The following LRRK2 variants were observed in gnomAD, a reference collection of about 807,000 sequenced individuals.
The protein encoded by LRRK2 is leucine rich repeat kinase 2, also known as leucine-rich repeat serine/threonine-protein kinase 2.
LRRK2 carries 203 observed loss-of-function variants against 302.6 expected under a neutral mutation model. The observed-to-expected ratio is 0.67, with a 90% confidence interval of 0.60 to 0.75. LRRK2 has a LOEUF of 0.75. Among genes scored for constraint, LRRK2 ranks in the 30% least tolerant of loss-of-function variants. The pLI is 0.00. For missense variants in LRRK2, 2,830 were observed against 2,951.0 expected, an observed-to-expected ratio of 0.96 and a Z score of 0.95; for synonymous variants, 1,066 against 1,031.9, an observed-to-expected ratio of 1.03 and a Z score of -0.63.
chr12:40,299,504 C>T (rs1944541577), intron 25 of LRRK2, among the ~76,000 whole-genome samples: 1 of 152,092 alleles, frequency 6.6e-6, no homozygotes, highest in South Asian at 2.1e-4. Flanking sequence ...ACATACTATT[C>T]GTTCCCAACT....
chr12:40,356,052 T>A, intron 45 of LRRK2, 63 bp from the exon 46 acceptor site: 1 of 1,086,648 alleles, frequency 9.2e-7, no homozygotes, highest in Admixed American at 1.9e-5. Context: ...GAGGAGAACA[T>A]TAAGGCCATT....
At chr12:40,243,704 C>T (rs746951771) in intron 7 of LRRK2, 23 bp downstream of exon 7, 1 of 1,605,048 alleles carries the variant, frequency 6.2e-7, no homozygotes, top group East Asian at 2.2e-5. Flanking sequence ...GTTAATATGT[C>T]ATCACACACT....
intron 20 of LRRK2, among the ~76,000 whole-genome samples, chr12:40,289,524 A>G (rs1369210704): frequency 1.3e-5 from 2 of 149,010 alleles, no homozygotes; most frequent in African/African-American, 4.9e-5. Context: ...AATGTAATCT[A>G]TAATATATAA....
intron 44 of LRRK2, among the ~76,000 whole-genome samples, chr12:40,352,403 C>G (rs971197463): frequency 1.3e-5 from 2 of 151,304 alleles, no homozygotes; most frequent in African/African-American, 4.9e-5. Flanking sequence ...CAAAGACAAC[C>G]TAGTATTTTG....
chr12:40,339,484 A>C (rs1216608661), intron 40 of LRRK2, among the ~76,000 whole-genome samples: 1 of 152,104 alleles, frequency 6.6e-6, no homozygotes, highest in Non-Finnish European at 1.5e-5. Context: ...GTTTTTTTAT[A>C]TTAACTATCT....
intron 2 of LRRK2, among the ~76,000 whole-genome samples, chr12:40,229,955 CTTTTTTT>C (rs71078229): frequency 2.2e-5 from 2 of 92,926 alleles, no homozygotes; most frequent in African/African-American, 3.8e-5. Context: ...TCCTATGTGA[CTTTTTTT>C]TTTTTTTTTT....
At chr12:40,316,906 A>G (rs1945242682) in intron 33 of LRRK2, among the ~76,000 whole-genome samples, 1 of 152,054 alleles carries the variant, frequency 6.6e-6, no homozygotes, top group African/African-American at 2.4e-5. Flanking sequence ...TCAGGAGGTA[A>G]CTCAACTCCA....
chr12:40,261,498 A>G (rs892372512), intron 13 of LRRK2, among the ~76,000 whole-genome samples: 1 of 152,156 alleles, frequency 6.6e-6, no homozygotes, highest in African/African-American at 2.4e-5. Context: ...AATACATTTT[A>G]TAAGCATATC....
chr12:40,278,442 A>G (rs554472741), intron 18 of LRRK2, among the ~76,000 whole-genome samples, 181 bp downstream of exon 18: 1 of 152,316 alleles, frequency 6.6e-6, no homozygotes, highest in African/African-American at 2.4e-5. Context: ...AGGGTCCTTT[A>G]GGTGTTATCC....
Position 40,278,006 on chromosome 12 carries a change from A to T in LRRK2, c.2060A>T (p.Lys687Met), listed in dbSNP as rs762778184. Residue 687 changes from lysine (K) to methionine (M), a missense_variant, in exon 17 of 51, where the codon AAG becomes ATG. By Grantham distance (95) the Lys-to-Met change is moderately conservative. This residue lies in a region of LRRK2 where 2,121 missense variants were observed against 2,148.0 expected (regional missense o/e 0.99). Transcript: ENST00000298910. ...HQMSSNIMEQ[K>M]DQQFLNLCCK... ...ATGTCTTCCAATATCATGGAACAAA[A>T]GGATCAACAGGTACAGTGTTTTTCA... 6.2e-7 allele frequency: 1 copy of T among 1,613,762 alleles called. No individual in the cohort carries two copies. The highest frequency in any genetic ancestry group is 8.5e-7 in the Non-Finnish European group (1 of 1,179,956).
At chr12:40,263,416 G>C (rs909437319) in intron 13 of LRRK2, among the ~76,000 whole-genome samples, 2 of 151,606 alleles carry the variant, frequency 1.3e-5, no homozygotes, top group African/African-American at 4.8e-5. Flanking sequence ...TTTATGTTGT[G>C]GTCCAAGTAA....
At position 40,283,939 on chromosome 12, in the gene LRRK2, A is replaced by G; in HGVS notation, c.2306A>G (p.Gln769Arg). The change falls in exon 19 of 51, where the codon CAA becomes CGA. Residue 769 changes from glutamine (Q) to arginine (R), a missense_variant. Coordinates refer to ENST00000298910, the MANE Select transcript of LRRK2 (RefSeq NM_198578.4). ...TTACTGAATAGTGGATCTCGTGAAC[A>G]AGATGTACGAAAAGCGTTGACGATA... ...ELLLNSGSREQDVRKALTISI... is the reference protein window; with the variant it reads ...ELLLNSGSRERDVRKALTISI... The G allele has an allele frequency of 1.2e-6, 2 of 1,613,876 alleles. No homozygotes were observed. The highest frequency in any genetic ancestry group is 1.7e-6 in the Non-Finnish European group (2 of 1,179,812).
At chr12:40,361,467 T>G (rs1339727823) in intron 47 of LRRK2, among the ~76,000 whole-genome samples, 1 of 152,106 alleles carries the variant, frequency 6.6e-6, no homozygotes, top group Non-Finnish European at 1.5e-5. Context: ...GTGGGCATAG[T>G]GCTTGATAGG....
intron 10 of LRRK2, 76 bp downstream of exon 10, chr12:40,251,620 T>A: frequency 8.1e-7 from 1 of 1,235,048 alleles, no homozygotes; most frequent in Non-Finnish European, 1.2e-6. Flanking sequence ...ACCTTAACCG[T>A]AACTTTTATT....
At chr12:40,358,448 G>A (rs901383012) in intron 46 of LRRK2, among the ~76,000 whole-genome samples, 1 of 152,090 alleles carries the variant, frequency 6.6e-6, no homozygotes. Context: ...TCTGCATACT[G>A]ATATCCAGCT....
At chr12:40,362,279 G>GA (rs1413417603) in intron 47 of LRRK2, among the ~76,000 whole-genome samples, 1 of 151,556 alleles carries the variant, frequency 6.6e-6, no homozygotes, top group Admixed American at 6.6e-5. Context: ...AAAGGGGGAG[G>GA]AAAAAAAATC....
At chr12:40,268,292 T>G (rs761785228) in intron 14 of LRRK2, among the ~76,000 whole-genome samples, 16 of 152,194 alleles carry the variant, frequency 1.1e-4, no homozygotes, top group Non-Finnish European at 2.9e-5. Context: ...ACCAGTCTTC[T>G]GATGAAATGG....
intron 35 of LRRK2, among the ~76,000 whole-genome samples, chr12:40,321,673 A>G (rs1565749822): frequency 6.6e-6 from 1 of 152,096 alleles, no homozygotes; most frequent in Non-Finnish European, 1.5e-5. Context: ...GAATTAATCA[A>G]CATATAGGTA....
chr12:40,280,706 G>T (rs1943653848), intron 18 of LRRK2, among the ~76,000 whole-genome samples: 1 of 151,550 alleles, frequency 6.6e-6, no homozygotes, highest in South Asian at 2.1e-4. Context: ...AGCCTAGGAG[G>T]TCAAGGCTGC....
Sources: allele counts gnomAD v4.1 joint callset (sites outside exome capture counted in the v4.1 genomes callset), GRCh38; gene constraint gnomAD v4.1.1; regional missense constraint gnomAD v4.1.1; transcripts MANE v1.5; gene names NCBI Gene and HGNC (gene_info 2026-07-23, HGNC 2026-07-21).